The following ANKRD30BL variants were observed in gnomAD, a reference collection of about 807,000 sequenced individuals.
ANKRD30BL encodes the protein putative ankyrin repeat domain-containing protein 30B-like.
A neutral mutation model predicts 18.4 loss-of-function variants in ANKRD30BL; 20 were observed. That is an observed-to-expected ratio of 1.09 (90% CI 0.77 to 1.58). The LOEUF is 1.58. Ranked by LOEUF, ANKRD30BL falls within the 40% of genes most tolerant of loss-of-function variation. The pLI, the probability that ANKRD30BL is intolerant of heterozygous loss-of-function variation, is 0.00. For synonymous variants in ANKRD30BL, 72 were observed against 100.9 expected (o/e 0.71, Z 1.72); for missense variants, 224 against 268.6 (o/e 0.83, Z 1.16).
intron 1 of ANKRD30BL, among the ~76,000 whole-genome samples, chr2:132,213,402 T>C (rs200088389): frequency 6.6e-6 from 1 of 151,074 alleles, no homozygotes; most frequent in African/African-American, 2.5e-5. Context: ...TGAGCAATTT[T>C]GAAACACTCT....
chr2:132,250,354 A>T (rs548085782), intron 1 of ANKRD30BL, among the ~76,000 whole-genome samples: 94 of 152,348 alleles, frequency 6.2e-4, no homozygotes, highest in African/African-American at 2.1e-3. Flanking sequence ...CCATGGCCTC[A>T]AAGCGCTCAT....
chr2:132,171,844 C>T (rs1332439147), intron 1 of ANKRD30BL, among the ~76,000 whole-genome samples: 5 of 152,088 alleles, frequency 3.3e-5, no homozygotes, highest in South Asian at 2.1e-4. Context: ...TTTAATCATC[C>T]CATATAGAAA....
chr2:132,196,700 A>G (rs1678975849), intron 1 of ANKRD30BL, among the ~76,000 whole-genome samples: 1 of 151,934 alleles, frequency 6.6e-6, no homozygotes, highest in South Asian at 2.1e-4. Flanking sequence ...GCAGGAGAGG[A>G]GGCTGAGGCA....
At chr2:132,188,440 G>T (rs1417327642) in intron 1 of ANKRD30BL, among the ~76,000 whole-genome samples, 1 of 152,202 alleles carries the variant, frequency 6.6e-6, no homozygotes, top group African/African-American at 2.4e-5. Flanking sequence ...TAGCGGGCAG[G>T]GCGCGGTGGC....
intron 1 of ANKRD30BL, among the ~76,000 whole-genome samples, chr2:132,183,078 A>G (rs1332275754): frequency 2.6e-5 from 4 of 151,832 alleles, no homozygotes; most frequent in Non-Finnish European, 5.9e-5. Context: ...CATCTTTGAG[A>G]GTCTTTTTTC....
At chr2:132,228,432 C>A (rs1303040338) in intron 1 of ANKRD30BL, among the ~76,000 whole-genome samples, 1 of 147,612 alleles carries the variant, frequency 6.8e-6, no homozygotes, top group East Asian at 2.1e-4. Flanking sequence ...AAATATATTA[C>A]CATAAAATCT....
At chr2:132,195,864 G>A (rs765932640) in intron 1 of ANKRD30BL, among the ~76,000 whole-genome samples, 2 of 150,122 alleles carry the variant, frequency 1.3e-5, no homozygotes, top group African/African-American at 2.4e-5. Flanking sequence ...AACAGACGTC[G>A]AGTGTGGTGG....
intron 1 of ANKRD30BL, among the ~76,000 whole-genome samples, chr2:132,212,065 G>C (rs1364704978): frequency 6.6e-6 from 1 of 151,852 alleles, no homozygotes; most frequent in East Asian, 1.9e-4. Flanking sequence ...GCCTATGGTG[G>C]AAAAGGAAAT....
At chr2:132,174,138 G>A (rs1358996092) in intron 1 of ANKRD30BL, among the ~76,000 whole-genome samples, 1 of 152,204 alleles carries the variant, frequency 6.6e-6, no homozygotes, top group South Asian at 2.1e-4. Context: ...GATGGATCAA[G>A]TGGGTTAAAA....
intron 1 of ANKRD30BL, among the ~76,000 whole-genome samples, chr2:132,256,519 G>T (rs1348518888): frequency 1.3e-5 from 2 of 152,236 alleles, no homozygotes; most frequent in Non-Finnish European, 2.9e-5. Context: ...AAGGAGAGGC[G>T]GACCGCGGTG....
chr2:132,187,165 G>GTT (rs1553472036), intron 1 of ANKRD30BL, among the ~76,000 whole-genome samples: 1 of 122,304 alleles, frequency 8.2e-6, no homozygotes, highest in African/African-American at 3.3e-5. Flanking sequence ...ATCGTAGGAA[G>GTT]TTTTTTGTTT....
chr2:132,181,024 G>A (rs1442587716), intron 1 of ANKRD30BL, among the ~76,000 whole-genome samples: 23 of 152,084 alleles, frequency 1.5e-4, no homozygotes, highest in African/African-American at 4.8e-4. Context: ...GCGGGCTGTA[G>A]TCCCAGCTAC....
chr2:132,196,249 T>C (rs1678968149), intron 1 of ANKRD30BL, among the ~76,000 whole-genome samples: 1 of 151,932 alleles, frequency 6.6e-6, no homozygotes, highest in African/African-American at 2.4e-5. Flanking sequence ...GAGGCCAAGG[T>C]GGGTGGATCA....
chr2:132,165,580 G>A (rs1200162586), upstream of ANKRD30BL, among the ~76,000 whole-genome samples: 1 of 149,934 alleles, frequency 6.7e-6, no homozygotes, highest in Non-Finnish European at 1.5e-5. Context: ...AAAATTAGCC[G>A]GACATGGTGG....
At chr2:132,213,552 T>G (rs941557471) in intron 1 of ANKRD30BL, among the ~76,000 whole-genome samples, 1 of 152,260 alleles carries the variant, frequency 6.6e-6, no homozygotes, top group Non-Finnish European at 1.5e-5. Flanking sequence ...AGTTGAACCA[T>G]ACTTTTGATT....
intron 1 of ANKRD30BL, among the ~76,000 whole-genome samples, chr2:132,171,467 C>A (rs1688279690): frequency 6.6e-6 from 1 of 152,056 alleles, no homozygotes; most frequent in Non-Finnish European, 1.5e-5. Context: ...CAATGCCAGA[C>A]CTTATGGATC....
intron 1 of ANKRD30BL, among the ~76,000 whole-genome samples, chr2:132,206,546 A>G (rs1265296917): frequency 6.6e-6 from 1 of 152,146 alleles, no homozygotes; most frequent in Non-Finnish European, 1.5e-5. Flanking sequence ...ATAGTAAACT[A>G]CTTCATGGCT....
intron 1 of ANKRD30BL, among the ~76,000 whole-genome samples, chr2:132,236,117 G>T (rs970485188): frequency 1.3e-5 from 2 of 152,004 alleles, no homozygotes. Flanking sequence ...AAATGGTGCT[G>T]GGAAAACTGG....
chr2:132,162,368 G>A (rs1234623108), upstream of ANKRD30BL, among the ~76,000 whole-genome samples: 3 of 152,228 alleles, frequency 2.0e-5, no homozygotes, highest in Non-Finnish European at 4.4e-5. Flanking sequence ...AGCTGCAGCT[G>A]AGCCCATGGT....
Sources: allele counts gnomAD v4.1 joint callset (sites outside exome capture counted in the v4.1 genomes callset), GRCh38; gene constraint gnomAD v4.1.1; transcripts MANE v1.5; gene names NCBI Gene and HGNC (gene_info 2026-07-23, HGNC 2026-07-21).